C1orf141: variants seen among roughly 807,000 people sequenced by gnomAD.
C1orf141 encodes chromosome 1 open reading frame 141, also known as uncharacterized protein C1orf141.
A neutral mutation model predicts 23.2 loss-of-function variants in C1orf141; 19 were observed. The ratio of observed to expected loss-of-function variants is 0.82; its 90% CI spans 0.57 to 1.20. The LOEUF (loss-of-function observed/expected upper bound fraction) is 1.20, where lower values mean the gene tolerates loss of function less well. Among genes scored for constraint, C1orf141 ranks in the 50% most tolerant of loss-of-function variants. C1orf141 has a pLI of 0.00. For missense variants in C1orf141, 469 were observed against 455.1 expected, an observed-to-expected ratio of 1.03 and a Z score of -0.28; for synonymous variants, 153 against 154.6, an observed-to-expected ratio of 0.99 and a Z score of 0.08.
Position 67,134,171 on chromosome 1 carries a change from T to C in C1orf141, c.-104+759A>G, listed in dbSNP as rs1646558785. On this transcript the variant is annotated intron_variant, in intron 1 of 7. Transcript: ENST00000684719. The stretch of plus-strand genomic sequence containing the variant: ...GGCGCCCACCACCATGCCCGGCTAA[T>C]TTTTGTATTTTTAGTAGAGACGGGG... Among the ~76,000 whole-genome samples the C allele has an allele frequency of 3.3e-5, 5 of 152,136 alleles. No individual in the cohort carries two copies. The South Asian group carries it at 1.0e-3, about 32-fold the overall frequency.
At chr1:67,098,200 C>A (rs1645725725) in intron 5 of C1orf141, among the ~76,000 whole-genome samples, 1 of 152,110 alleles carries the variant, frequency 6.6e-6, no homozygotes, top group African/African-American at 2.4e-5. Context: ...GAATAAGAGA[C>A]AGAGAGCCTT....
Position 67,125,754 on chromosome 1 carries a change from T to G in C1orf141, c.231A>C (p.Lys77Asn). ...TTTAAGGTGGTTATGATAGTTACAT[T>G]TTTGATTTTGTAATGCTGCATGACT... Reference protein sequence around the residue: ...EDKSCSITKSKMHVSFKCEPE... With the variant: ...EDKSCSITKSNMHVSFKCEPE... Residue 77 changes from lysine to asparagine, a missense_variant and splice_region_variant, in exon 4 of 8, where the codon AAA becomes AAC. Lys to Asn is a moderately conservative substitution (Grantham distance 94). Coordinates refer to ENST00000684719, the MANE Select transcript of C1orf141 (RefSeq NM_001276351.2). 1 of 1,613,706 alleles carries G rather than the reference T, an allele frequency of 6.2e-7. No homozygotes were observed. Among genetic ancestry groups the G allele is most frequent in the Non-Finnish European group, 8.5e-7 (1 of 1,179,682 alleles).
Position 67,096,293 on chromosome 1 carries a change from T to A in C1orf141, c.375A>T (p.Pro125=), listed in dbSNP as rs1432421185. The change falls in exon 6 of 8, where the codon CCA becomes CCT. Residue 125 remains proline (P), a synonymous_variant. Transcript: ENST00000684719. ...CTTCTAAGAGACCAACAGAATCCAA[T>A]GGTTTCCTAGGTTTTTTTTCAATTT... ...TAQIEKKPRK[P]LDSVGLLEGD... 1.3e-6 allele frequency: 2 copies of A among 1,536,758 alleles called. No individual in the cohort carries two copies. The highest frequency in any genetic ancestry group is 1.8e-6 in the Non-Finnish European group (2 of 1,130,880).
Position 67,127,184 on chromosome 1 carries a change from G to A in C1orf141, c.57C>T (p.Ile19=). 1 of 1,608,636 alleles carries A rather than the reference G, an allele frequency of 6.2e-7. No individual in the cohort carries two copies. Among genetic ancestry groups the A allele is most frequent in the Non-Finnish European group, 8.5e-7 (1 of 1,177,866 alleles). ...CACAAACCTTTGTTCTTCTGGCCAA[G>A]ATTATCTCTGCTTGCTTATCAAGGA... The part of the protein sequence containing the change: ...LDVLDKQAEI[I]LARRTKINRL... The change falls in exon 3 of 8, where the codon ATC becomes ATT. Residue 19 remains isoleucine, a synonymous_variant. Coordinates refer to ENST00000684719, the MANE Select transcript of C1orf141 (RefSeq NM_001276351.2).
chr1:67,127,598 T>A (rs189538597), intron 2 of C1orf141, among the ~76,000 whole-genome samples: 167 of 152,276 alleles, frequency 1.1e-3, no homozygotes, highest in Middle Eastern at 6.8e-3. Context: ...TAAATTTTTT[T>A]AATTAAAAAT....
At chr1:67,115,304 G>C in intron 5 of C1orf141, 48 bp downstream of exon 5, 1 of 701,368 alleles carries the variant, frequency 1.4e-6, no homozygotes, top group Non-Finnish European at 2.5e-6. Context: ...AATAAATAAA[G>C]CACCCATTAA....
chr1:67,139,517 C>T (rs1452102136), upstream of C1orf141, among the ~76,000 whole-genome samples: 1 of 152,126 alleles, frequency 6.6e-6, no homozygotes, highest in African/African-American at 2.4e-5. Context: ...TTCTTCAGTC[C>T]TAGGCTTTTT....
chr1:67,103,144 T>C (rs1645842542), intron 5 of C1orf141: 1 of 638,636 alleles, frequency 1.6e-6, no homozygotes. Flanking sequence ...CAAAGACGAA[T>C]ATTCCTTGGA....
At chr1:67,096,069 T>C in intron 6 of C1orf141, 183 bp downstream of exon 6, 1 of 396,068 alleles carries the variant, frequency 2.5e-6, no homozygotes, top group East Asian at 4.1e-5. Context: ...TTTCTCTCCA[T>C]TTAACAATAC....
At chr1:67,141,537 C>T (rs573178252) in intron 1 of C1orf141, among the ~76,000 whole-genome samples, 1 of 152,174 alleles carries the variant, frequency 6.6e-6, no homozygotes, top group South Asian at 2.1e-4. Flanking sequence ...GTGGGAGGAT[C>T]ATTTGAGGCC....
intron 4 of C1orf141, chr1:67,124,073 C>T (rs1410905722): frequency 6.6e-6 from 1 of 152,178 alleles, no homozygotes; most frequent in Non-Finnish European, 1.5e-5. Flanking sequence ...TCCAGCCTTT[C>T]AATTTGTTAG....
At chr1:67,129,855 C>T (rs1302047097) in intron 2 of C1orf141, among the ~76,000 whole-genome samples, 2 of 152,208 alleles carry the variant, frequency 1.3e-5, no homozygotes, top group Non-Finnish European at 2.9e-5. Context: ...CAATTTGTAA[C>T]ATTTCCTGGT....
intron 4 of C1orf141, among the ~76,000 whole-genome samples, chr1:67,120,526 A>T (rs750678064): frequency 2.0e-5 from 3 of 152,036 alleles, no homozygotes; most frequent in Non-Finnish European, 4.4e-5. Flanking sequence ...TAAATGCCCA[A>T]AGTTATGGTT....
rs530579643 is a variant in C1orf141 at position 67,107,761 on chromosome 1, A to G, written c.346+7591T>C. Among the ~76,000 whole-genome samples, 7 of 152,256 alleles carry G rather than the reference A, an allele frequency of 4.6e-5. No individual in the cohort carries two copies. In the South Asian group the frequency reaches 1.2e-3, roughly 27 times the overall value. ...AACAATTAGCCGGGCGTGGTGGCGCATGCCTGTAATCCCAGCTACTCGGCA... is the reference window on the plus strand; with the variant it reads ...AACAATTAGCCGGGCGTGGTGGCGCGTGCCTGTAATCCCAGCTACTCGGCA... On this transcript the variant is annotated intron_variant, in intron 5 of 7. Coordinates refer to ENST00000684719, the MANE Select transcript of C1orf141 (RefSeq NM_001276351.2).
At position 67,129,960 on chromosome 1, in the gene C1orf141, T is replaced by C. The variant is rs137878318; in HGVS notation, c.-18+1182A>G. 2.0e-5 allele frequency among the ~76,000 whole-genome samples: 3 copies of C among 152,322 alleles called. No individual in the cohort carries two copies. In the East Asian group the frequency reaches 5.8e-4, roughly 29 times the overall value. On this transcript the variant is annotated intron_variant, in intron 2 of 7. Coordinates refer to ENST00000684719, the MANE Select transcript of C1orf141 (RefSeq NM_001276351.2). ...CTAATTGCAATTATTTCCTCCCAAATAAATATTTTGATTTTAGAGATTAGT... is the reference window on the plus strand; with the variant it reads ...CTAATTGCAATTATTTCCTCCCAAACAAATATTTTGATTTTAGAGATTAGT...
intron 1 of C1orf141, among the ~76,000 whole-genome samples, chr1:67,131,727 C>T (rs1646518628): frequency 6.6e-6 from 1 of 151,906 alleles, no homozygotes; most frequent in Admixed American, 6.6e-5. Context: ...AATGTTCTCC[C>T]ACATGTCTTC....
chr1:67,137,435 C>T (rs1349894556), upstream of C1orf141, among the ~76,000 whole-genome samples: 1 of 152,204 alleles, frequency 6.6e-6, no homozygotes, highest in African/African-American at 2.4e-5. Flanking sequence ...CCCGGGGAAG[C>T]TCACCCAATC....
intron 2 of C1orf141, among the ~76,000 whole-genome samples, chr1:67,130,228 G>A (rs1239856501): frequency 6.6e-6 from 1 of 152,142 alleles, no homozygotes; most frequent in East Asian, 1.9e-4. Context: ...GAGTTCAAGA[G>A]GGGGAGAAGG....
At chr1:67,137,094 T>G (rs895907459), upstream of C1orf141, among the ~76,000 whole-genome samples, 3 of 152,166 alleles carry the variant, frequency 2.0e-5, no homozygotes, top group African/African-American at 7.2e-5. Context: ...TCCTTTGAAG[T>G]AGGCCAACTA....
Sources: allele counts gnomAD v4.1 joint callset (sites outside exome capture counted in the v4.1 genomes callset), GRCh38; gene constraint gnomAD v4.1.1; transcripts MANE v1.5; gene names NCBI Gene and HGNC (gene_info 2026-07-23, HGNC 2026-07-21).